Variants in AGBL1 observed in about 807,000 individuals in gnomAD.
AGBL1 encodes cytosolic carboxypeptidase 4.
AGBL1 carries 130 observed loss-of-function variants against 118.9 expected under a neutral mutation model. The ratio of observed to expected loss-of-function variants is 1.09; its 90% CI spans 0.95 to 1.26. The LOEUF is 1.26. Ranked by LOEUF, AGBL1 falls within the 50% of genes most tolerant of loss-of-function variation. The pLI, the probability that AGBL1 is intolerant of heterozygous loss-of-function variation, is 0.00. For missense variants in AGBL1, 1,584 were observed against 1,298.1 expected (o/e 1.22, Z -3.38); for synonymous variants, 555 against 478.9 (o/e 1.16, Z -2.08).
chr15:86,972,032 C>T lies in AGBL1; in HGVS notation c.3222-15955C>T, dbSNP rs560400834. On this transcript the variant is annotated intron_variant, in intron 23 of 24. Coordinates refer to the AGBL1 transcript ENST00000441037. ...GTTCCCTGAGGCTTCCCTAGTCATG[C>T]TGAACTGTAAGTCAATTAAACCTCT... Among the ~76,000 whole-genome samples the T allele has an allele frequency of 4.6e-4, 70 of 152,118 alleles. 2 individuals carry two copies. In the South Asian group the frequency reaches 0.014, roughly 30 times the overall value.
intron 17 of AGBL1, among the ~76,000 whole-genome samples, chr15:86,328,350 T>C (rs536942705): frequency 1.6e-3 from 246 of 152,280 alleles, no homozygotes; most frequent in African/African-American, 5.6e-3. Context: ...TAAAAAGTAT[T>C]TGAAAGATTT....
At chr15:86,127,979 A>C (rs2141599777) in intron 1 of AGBL1, among the ~76,000 whole-genome samples, 1 of 151,180 alleles carries the variant, frequency 6.6e-6, no homozygotes, top group South Asian at 2.1e-4. Context: ...ATTTTTAAAA[A>C]CCCTCTTTTT....
In AGBL1 at chr15:86,687,092, A is replaced by G. The variant is rs1470095134; in HGVS notation, c.3158+12656A>G. 2.0e-5 allele frequency among the ~76,000 whole-genome samples: 3 copies of G among 152,264 alleles called. No individual in the cohort carries two copies. The East Asian group carries it at 5.8e-4, about 29-fold the overall frequency. ...AAACAAGCTGCTCTATGAATTCCAGATATCAATGGCAAAAAAAAGGGAATT... is the reference window on the plus strand; with the variant it reads ...AAACAAGCTGCTCTATGAATTCCAGGTATCAATGGCAAAAAAAAGGGAATT... On this transcript the variant is annotated intron_variant, in intron 22 of 22. Transcript: ENST00000614907.
intron 5 of AGBL1, among the ~76,000 whole-genome samples, chr15:86,183,002 A>G (rs2077575066): frequency 6.6e-6 from 1 of 152,202 alleles, no homozygotes; most frequent in Non-Finnish European, 1.5e-5. Flanking sequence ...TGTGATTAAG[A>G]GCAAACTTTG....
chr15:86,710,404 TAATG>T (rs886423423), intron 22 of AGBL1, among the ~76,000 whole-genome samples: 1 of 152,174 alleles, frequency 6.6e-6, no homozygotes. Context: ...ATTTTTAAAA[TAATG>T]AATGACTGTG....
At chr15:86,539,949 T>C (rs1179273515) in intron 19 of AGBL1, among the ~76,000 whole-genome samples, 1 of 152,130 alleles carries the variant, frequency 6.6e-6, no homozygotes, top group African/African-American at 2.4e-5. Flanking sequence ...AGCTTCTGGA[T>C]GGGGTAATAT....
At chr15:86,779,971 T>C (rs1462539485) in intron 22 of AGBL1, among the ~76,000 whole-genome samples, 1 of 152,076 alleles carries the variant, frequency 6.6e-6, no homozygotes, top group Non-Finnish European at 1.5e-5. Context: ...CTTGTCAGTA[T>C]GTTTTATTTC....
chr15:86,538,378 T>C (rs2083453353), intron 19 of AGBL1, among the ~76,000 whole-genome samples: 1 of 152,192 alleles, frequency 6.6e-6, no homozygotes, highest in South Asian at 2.1e-4. Context: ...TGCTGATGAC[T>C]CAGATGAAGC....
intron 21 of AGBL1, among the ~76,000 whole-genome samples, chr15:86,672,112 G>A (rs958444833): frequency 6.6e-6 from 1 of 152,122 alleles, no homozygotes; most frequent in Non-Finnish European, 1.5e-5. Flanking sequence ...GTTTTATACT[G>A]TGTGAGAGTA....
intron 22 of AGBL1, among the ~76,000 whole-genome samples, chr15:86,898,289 A>G (rs1228332949): frequency 6.6e-6 from 1 of 152,142 alleles, no homozygotes; most frequent in East Asian, 1.9e-4. Context: ...TCCTGTGTCC[A>G]GGATGGTATT....
intron 22 of AGBL1, among the ~76,000 whole-genome samples, chr15:86,869,185 G>C (rs1175001534): frequency 6.6e-6 from 1 of 152,186 alleles, no homozygotes; most frequent in East Asian, 1.9e-4. Flanking sequence ...TTCCCACTGG[G>C]TAAGACAGAG....
intron 1 of AGBL1, among the ~76,000 whole-genome samples, chr15:86,101,454 G>A (rs1357449328): frequency 6.6e-6 from 1 of 151,822 alleles, no homozygotes; most frequent in African/African-American, 2.4e-5. Flanking sequence ...CTGCCTAATG[G>A]TGAGAGTTGG....
intron 21 of AGBL1, among the ~76,000 whole-genome samples, chr15:86,620,445 T>C (rs1464308109): frequency 2.6e-5 from 4 of 152,180 alleles, no homozygotes; most frequent in African/African-American, 9.7e-5. Flanking sequence ...ACCCCATCAC[T>C]CCCACTTACC....
chr15:87,004,936 C>G (rs2081482672), intron 24 of AGBL1, among the ~76,000 whole-genome samples: 1 of 152,080 alleles, frequency 6.6e-6, no homozygotes, highest in South Asian at 2.1e-4. Flanking sequence ...TTTTATTTCT[C>G]CTTTACTTAT....
At position 86,692,880 on chromosome 15, in the gene AGBL1, TACTTC is replaced by T. The variant is rs372007254; in HGVS notation, c.3158+18449_3158+18453del. Among the ~76,000 whole-genome samples the T allele has an allele frequency of 1.4e-3, 208 of 152,320 alleles. 3 individuals are homozygous for T. The South Asian group carries it at 0.042, about 30-fold the overall frequency. ...AATGTTTGGTTTTCCATTCCTGAGT[TACTTC>T]ACTTAGAATAATAATCTCCAGTTCC... On this transcript the variant is annotated intron_variant, in intron 22 of 22. Coordinates refer to ENST00000614907, the MANE Select transcript of AGBL1 (RefSeq NM_001386094.1).
intron 18 of AGBL1, among the ~76,000 whole-genome samples, chr15:86,397,923 G>T (rs1401732447): frequency 6.6e-6 from 1 of 152,120 alleles, no homozygotes; most frequent in Non-Finnish European, 1.5e-5. Context: ...GGAGGAAACT[G>T]GTGTCCAGGG....
intron 22 of AGBL1, among the ~76,000 whole-genome samples, chr15:86,732,570 A>T (rs1213770773): frequency 6.6e-6 from 1 of 152,204 alleles, no homozygotes; most frequent in Non-Finnish European, 1.5e-5. Flanking sequence ...ATTAAGAAAG[A>T]TAGTACTCTT....
intron 18 of AGBL1, among the ~76,000 whole-genome samples, chr15:86,439,638 G>A (rs1465982069): frequency 6.6e-6 from 1 of 152,192 alleles, no homozygotes; most frequent in Non-Finnish European, 1.5e-5. Context: ...AGTGAGACAA[G>A]GCAATACTGA....
chr15:87,024,941 T>G (rs1343332931), intron 24 of AGBL1, among the ~76,000 whole-genome samples: 2 of 151,892 alleles, frequency 1.3e-5, no homozygotes, highest in Non-Finnish European at 2.9e-5. Context: ...CCTTTATGAT[T>G]AAAACTCTCA....
Sources: allele counts gnomAD v4.1 joint callset (sites outside exome capture counted in the v4.1 genomes callset), GRCh38; gene constraint gnomAD v4.1.1; transcripts MANE v1.5; gene names NCBI Gene and HGNC (gene_info 2026-07-23, HGNC 2026-07-21).